Variants in CYP26B1 observed in about 807,000 individuals in gnomAD.
The protein encoded by CYP26B1 is cytochrome P450 26B1.
In CYP26B1, 8 loss-of-function variants were observed where a neutral mutation model predicts 39.1. The ratio of observed to expected loss-of-function variants is 0.20; its 90% CI spans 0.12 to 0.37. The LOEUF (loss-of-function observed/expected upper bound fraction) is 0.37. CYP26B1 is among the 10% of genes least tolerant of loss of function. The probability of loss-of-function intolerance (pLI) is 1.00; values close to 1 mark genes in which losing one functional copy is unlikely to be tolerated. For synonymous variants in CYP26B1, 321 were observed against 314.3 expected (o/e 1.02, Z -0.23); for missense variants, 615 against 707.0 (o/e 0.87, Z 1.48).
intron 2 of CYP26B1, among the ~76,000 whole-genome samples, chr2:72,136,081 C>T (rs1453037205): frequency 6.6e-6 from 1 of 152,174 alleles, no homozygotes; most frequent in Non-Finnish European, 1.5e-5. Context: ...CTGCGCAGCC[C>T]CCCTTGCCAC....
Position 72,130,066 on chromosome 2 carries a change from C to G in CYP26B1, c.*2161G>C, listed in dbSNP as rs1676517949. ...CACCCCCAGGGAAGGCCCCTGAGAC[C>G]TCCCAGCCCCATGCCCCCTGCCCCT... is the stretch of plus-strand genomic sequence containing the variant. On this transcript the variant is annotated 3_prime_UTR_variant, in exon 6 of 6. Transcript: ENST00000001146. The G allele has an allele frequency of 6.6e-6, 1 of 152,148 alleles. No homozygotes were observed. The highest frequency in any genetic ancestry group is 2.4e-5 in the African/African-American group (1 of 41,394). 9.4% of individuals were successfully genotyped at this position (152,148 alleles called of 1,614,324 possible).
rs764651607 is a variant in CYP26B1, at chr2:72,132,304, C to T, written c.1462G>A (p.Val488Ile). ...TTGGAGTCCAGGCCAAAGAACTTGA[C>T]GCTGAGGCCATCCACGGGGTGCAGG... ...PVLHPVDGLS[V>I]KFFGLDSNQN... Residue 488 changes from valine (V) to isoleucine (I), a missense_variant, in exon 6 of 6, where the codon GTC becomes ATC. Coordinates refer to ENST00000001146, the MANE Select transcript of CYP26B1 (RefSeq NM_019885.4). The T allele has an allele frequency of 9.3e-6, 15 of 1,606,970 alleles. No individual in the cohort carries two copies. The highest frequency in any genetic ancestry group is 6.7e-5 in the African/African-American group (5 of 74,836).
rs1448554138 is a variant in CYP26B1 at position 72,132,080 on chromosome 2, T to G, written c.*147A>C. 2 of 913,290 alleles carry G rather than the reference T, an allele frequency of 2.2e-6. No homozygotes were observed. The highest frequency in any genetic ancestry group is 5.1e-5 in the Admixed American group (2 of 38,904). 56.6% of individuals were successfully genotyped at this position (913,290 alleles called of 1,614,324 possible). A position where few individuals can be genotyped will look rare whatever the true frequency, so the allele number is the denominator to read the frequency against. Reference sequence around the variant, plus strand: ...AGGAATGGGGCCCACTGGCTTTGGGTAGGGTTTGCCAGGGAGGGGGAGCAA... The same window carrying G: ...AGGAATGGGGCCCACTGGCTTTGGGGAGGGTTTGCCAGGGAGGGGGAGCAA... On this transcript the variant is annotated 3_prime_UTR_variant, in exon 6 of 6. Coordinates refer to ENST00000001146, the MANE Select transcript of CYP26B1 (RefSeq NM_019885.4).
chr2:72,138,947 C>T (rs909040932), intron 2 of CYP26B1, among the ~76,000 whole-genome samples: 1 of 152,332 alleles, frequency 6.6e-6, no homozygotes, highest in Admixed American at 6.5e-5. Flanking sequence ...CAAAAGCATT[C>T]TCCCCAACCA....
In CYP26B1 at chr2:72,134,178, G is replaced by A. The variant is rs75199330; in HGVS notation, c.861+583C>T. On this transcript the variant is annotated intron_variant, in intron 4 of 5. Transcript: ENST00000001146. ...GGGGAGGCTGCAGTGAGTGTCCATG[G>A]GCACCCAGCAGTGGAGCAGGCCTGC... 2.9e-3 allele frequency among the ~76,000 whole-genome samples: 441 copies of A among 152,298 alleles called. 1 individual carries two copies. Among genetic ancestry groups the A allele is most frequent in the African/African-American group, 0.01 (420 of 41,572 alleles).
chr2:72,144,693 A>C (rs531021028), intron 1 of CYP26B1, among the ~76,000 whole-genome samples: 205 of 152,246 alleles, frequency 1.3e-3, no homozygotes, highest in Middle Eastern at 6.8e-3. Context: ...TGGGGGTTGG[A>C]GTTTCCTCCG....
Position 72,135,133 on chromosome 2 carries a change from TG to T in CYP26B1, c.705+10del. 6.2e-7 allele frequency: 1 copy of T among 1,612,104 alleles called. No homozygotes were observed. The highest frequency in any genetic ancestry group is 1.8e-4 in the Middle Eastern group (1 of 5,538). On this transcript the variant is annotated intron_variant, in intron 3 of 5. Coordinates refer to ENST00000001146, the MANE Select transcript of CYP26B1 (RefSeq NM_019885.4). ...CCCCTGCTCCTCTCCTCCCAGGCCC[TG>T]GGTGCTCACCCGCCGGTAGCCACTG...
At chr2:72,146,856 C>T (rs1677136410) in intron 1 of CYP26B1, among the ~76,000 whole-genome samples, 1 of 152,308 alleles carries the variant, frequency 6.6e-6, no homozygotes, top group Admixed American at 6.5e-5. Context: ...TGGTCCCTGA[C>T]GCGCCTCACC....
Position 72,147,557 on chromosome 2 carries a change from C to T in CYP26B1, c.204+74G>A. ...CTTCAGGCTCCCGGCGCCCCCTGGC[C>T]GGCCCGCCGCTCCGTCTGCCCCGCG... On this transcript the variant is annotated intron_variant, in intron 1 of 5. Transcript: ENST00000001146. This position sits in a 1 kb window ranked among gnomAD's most constrained non-coding sequence, Gnocchi z 6.1. 2.1e-6 allele frequency: 3 copies of T among 1,445,382 alleles called. No homozygotes were observed. The highest frequency in any genetic ancestry group is 2.7e-5 in the East Asian group (1 of 36,376). The allele number at this position is 1,445,382 out of a possible 1,614,324, so 89.5% of individuals were successfully genotyped here. A position where few individuals can be genotyped will look rare whatever the true frequency, so the allele number is the denominator to read the frequency against.
chr2:72,135,363 C>T lies in CYP26B1; in HGVS notation c.486G>A (p.Gln162=), dbSNP rs1292210845. The T allele has an allele frequency of 1.9e-6, 3 of 1,613,848 alleles. No homozygotes were observed. The highest frequency in any genetic ancestry group is 2.5e-6 in the Non-Finnish European group (3 of 1,180,038). ...CGCGCAGTGTGTCCTGGATCACCAG[C>T]TGGATCTTGGGCAGGTAACTCTCCA... ...EALESYLPKI[Q]LVIQDTLRAW... Residue 162 remains glutamine (Q), a synonymous_variant, in exon 3 of 6, where the codon CAG becomes CAA. Coordinates refer to ENST00000001146, the MANE Select transcript of CYP26B1 (RefSeq NM_019885.4).
At position 72,147,713 on chromosome 2, in the gene CYP26B1, C is replaced by A. The variant is rs768012386; in HGVS notation, c.122G>T (p.Arg41Leu). The change falls in exon 1 of 6, where the codon CGC (arginine) becomes CTC (leucine). Residue 41 changes from arginine to leucine, a missense_variant. Transcript: ENST00000001146. The surrounding 1 kb of genome is among the most constrained non-coding windows in gnomAD (Gnocchi z 6.1). ...GATGGGCAGCTTGCAGCTCTTGTCG[C>A]GAGTGGCGGCCCAGCGCAGCTGCCA... ...QLWQLRWAAT[R>L]DKSCKLPIPK... The A allele has an allele frequency of 1.9e-6, 3 of 1,602,714 alleles. No individual in the cohort carries two copies. Among genetic ancestry groups the A allele is most frequent in the East Asian group, 4.5e-5 (2 of 44,110 alleles).
chr2:72,135,323 G>T lies in CYP26B1; in HGVS notation c.526C>A (p.Pro176Thr). 1 of 1,614,024 alleles carries T rather than the reference G, an allele frequency of 6.2e-7. No individual in the cohort carries two copies. Among genetic ancestry groups the T allele is most frequent in the East Asian group, 2.2e-5 (1 of 44,880 alleles). ...TCCTGGTACACGTTGATGGCCTCGGGGTGGCTGCTCCAGGCGCGCAGTGTG... is the reference window on the plus strand; with the variant it reads ...TCCTGGTACACGTTGATGGCCTCGGTGTGGCTGCTCCAGGCGCGCAGTGTG... ...QDTLRAWSSHPEAINVYQEAQ... is the reference protein window; with the variant it reads ...QDTLRAWSSHTEAINVYQEAQ... Residue 176 changes from proline (P) to threonine (T), a missense_variant, in exon 3 of 6, where the codon CCC becomes ACC. Pro to Thr is a conservative substitution (Grantham distance 38). Coordinates refer to ENST00000001146, the MANE Select transcript of CYP26B1 (RefSeq NM_019885.4).
chr2:72,145,856 A>C (rs1677109637), intron 1 of CYP26B1, among the ~76,000 whole-genome samples: 1 of 152,142 alleles, frequency 6.6e-6, no homozygotes, highest in African/African-American at 2.4e-5. Context: ...TTATACAAAA[A>C]TGTTGTATTT....
rs1352854619 is a variant in CYP26B1, at chr2:72,129,862, A to T, written c.*2365T>A. 1 of 152,304 alleles carries T rather than the reference A, an allele frequency of 6.6e-6. No individual in the cohort carries two copies. The highest frequency in any genetic ancestry group is 1.9e-4 in the East Asian group (1 of 5,192). The allele number at this position is 152,304 out of a possible 1,614,324, so 9.4% of individuals were successfully genotyped here. A position where few individuals can be genotyped will look rare whatever the true frequency, so the allele number is the denominator to read the frequency against. On this transcript the variant is annotated 3_prime_UTR_variant, in exon 6 of 6. Transcript: ENST00000001146. ...CACACGCACACGCACAGACACGGGC[A>T]TCTCACTAGAGAGCTGAAAGGAGGG... is the stretch of plus-strand genomic sequence containing the variant.
At chr2:72,144,520 G>A in intron 1 of CYP26B1, 1 of 1,154,998 alleles carries the variant, frequency 8.7e-7, no homozygotes, top group South Asian at 3.8e-5. Flanking sequence ...GGGAGTCTCC[G>A]CCCCCACCCC....
rs373112058 is a variant in CYP26B1 at position 72,141,962 on chromosome 2, G to A, written c.429+2027C>T. 3.3e-5 allele frequency among the ~76,000 whole-genome samples: 5 copies of A among 152,276 alleles called. No individual in the cohort carries two copies. In the South Asian group the frequency reaches 8.3e-4, roughly 25 times the overall value. The stretch of plus-strand genomic sequence containing the variant: ...GCATTTGGCTCTCAGGCCTCTGGCA[G>A]GATGAACCAGCTTCTGGTGACTCCC... On this transcript the variant is annotated intron_variant, in intron 2 of 5. Transcript: ENST00000001146.
chr2:72,142,609 G>C (rs1479129124), intron 2 of CYP26B1, among the ~76,000 whole-genome samples: 1 of 152,158 alleles, frequency 6.6e-6, no homozygotes, highest in African/African-American at 2.4e-5. Flanking sequence ...TTTTGGAGCC[G>C]AGTCTCCACT....
In CYP26B1 at chr2:72,132,416, G is replaced by C; in HGVS notation, c.1350C>G (p.Phe450Leu). 6.2e-7 allele frequency: 1 copy of C among 1,612,748 alleles called. No individual in the cohort carries two copies. The highest frequency in any genetic ancestry group is 2.2e-5 in the East Asian group (1 of 44,836). Residue 450 changes from phenylalanine to leucine, a missense_variant, in exon 6 of 6, where the codon TTC becomes TTG. Transcript: ENST00000001146. ...CCAGCTCCACCGCCAGCACCTTCAGGAACAGCTTGGCCAGGTGCTTGCCCA... is the reference window on the plus strand; with the variant it reads ...CCAGCTCCACCGCCAGCACCTTCAGCAACAGCTTGGCCAGGTGCTTGCCCA... ...TCLGKHLAKL[F>L]LKVLAVELAS...
intron 1 of CYP26B1, among the ~76,000 whole-genome samples, chr2:72,144,890 C>T (rs953158619): frequency 1.4e-4 from 21 of 152,298 alleles, no homozygotes; most frequent in Admixed American, 4.6e-4. Context: ...GGGCGACCCG[C>T]GCAGGTAACC....
Sources: gnomAD v4.1 joint callset for allele counts (sites outside exome capture counted in the v4.1 genomes callset) on GRCh38, gnomAD v4.1.1 for gene constraint, Gnocchi (gnomAD v3.1) non-coding constraint, MANE v1.5 for transcripts, NCBI Gene and HGNC (gene_info 2026-07-23, HGNC 2026-07-21) for gene names.